IARS2: variants seen among roughly 807,000 people sequenced by gnomAD.
The protein encoded by IARS2 is isoleucine--tRNA ligase, mitochondrial.
IARS2 carries 56 observed loss-of-function variants against 126.3 expected under a neutral mutation model. The ratio of observed to expected loss-of-function variants is 0.44; its 90% CI spans 0.36 to 0.55. The LOEUF (loss-of-function observed/expected upper bound fraction) is 0.55. IARS2 is among the 20% of genes least tolerant of loss of function. The probability of loss-of-function intolerance (pLI) is 0.00; values close to 1 mark genes in which losing one functional copy is unlikely to be tolerated. For synonymous variants in IARS2, 407 were observed against 441.1 expected (o/e 0.92, Z 0.97); for missense variants, 1,127 against 1,245.9 (o/e 0.90, Z 1.44).
chr1:220,109,077 G>A (rs977247970), intron 10 of IARS2, among the ~76,000 whole-genome samples: 1 of 151,840 alleles, frequency 6.6e-6, no homozygotes, highest in African/African-American at 2.4e-5. Context: ...GTGGGGATTG[G>A]GTAGGGAAAG....
chr1:220,111,696 TATAG>T (rs1656807717), intron 11 of IARS2, among the ~76,000 whole-genome samples: 2 of 151,834 alleles, frequency 1.3e-5, no homozygotes, highest in East Asian at 3.9e-4. Flanking sequence ...AGGTTGAATA[TATAG>T]ATATTTTGCT....
chr1:220,101,977 C>T, intron 3 of IARS2, 152 bp from the exon 4 acceptor site: 1 of 670,194 alleles, frequency 1.5e-6, no homozygotes. Flanking sequence ...CGCCACTGCA[C>T]TCTAGCCTGG....
At chr1:220,135,061 C>A (rs936143757) in intron 15 of IARS2, among the ~76,000 whole-genome samples, 1 of 152,088 alleles carries the variant, frequency 6.6e-6, no homozygotes, top group Non-Finnish European at 1.5e-5. Context: ...AGCCACCATG[C>A]CTGGCCTAGA....
In IARS2 at chr1:220,143,066, G is replaced by A. The variant is rs1657521147; in HGVS notation, c.2683G>A (p.Gly895Ser). 6.2e-7 allele frequency: 1 copy of A among 1,613,984 alleles called. No homozygotes were observed. Among genetic ancestry groups the A allele is most frequent in the Admixed American group, 1.7e-5 (1 of 59,992 alleles). ...AGACTCATTTCTTGGAAGCATCCCTGGCAAAAATGCAGCTGAGTACAAGGT... is the reference window on the plus strand; with the variant it reads ...AGACTCATTTCTTGGAAGCATCCCTAGCAAAAATGCAGCTGAGTACAAGGT... ...MRDSFLGSIP[G>S]KNAAEYKVIT... The change falls in exon 21 of 23, where the codon GGC (glycine) becomes AGC (serine). Residue 895 changes from glycine to serine, a missense_variant. Transcript: ENST00000366922.
chr1:220,111,598 A>ATATATATATGTGTGTGTGTGTG (rs374024744), intron 11 of IARS2, among the ~76,000 whole-genome samples: 4 of 134,838 alleles, frequency 3.0e-5, no homozygotes, highest in African/African-American at 1.1e-4. Context: ...ATATATATAT[A>ATATATATATGTGTGTGTGTGTG]TGTGTGTGTG....
intron 1 of IARS2, among the ~76,000 whole-genome samples, chr1:220,095,582 A>C (rs1656421575): frequency 6.6e-6 from 1 of 152,222 alleles, no homozygotes; most frequent in African/African-American, 2.4e-5. Flanking sequence ...GATGGATATT[A>C]ACACTTTTTT....
intron 14 of IARS2, among the ~76,000 whole-genome samples, chr1:220,132,893 A>T (rs2102836242): frequency 6.6e-6 from 1 of 152,240 alleles, no homozygotes; most frequent in South Asian, 2.1e-4. Flanking sequence ...TAGTCTAGCT[A>T]AAGATTTGTT....
chr1:220,113,967 A>C (rs1261768383), intron 11 of IARS2, among the ~76,000 whole-genome samples: 1 of 152,196 alleles, frequency 6.6e-6, no homozygotes, highest in Non-Finnish European at 1.5e-5. Context: ...AGTTTAGTGA[A>C]GTATAATAGT....
intron 14 of IARS2, among the ~76,000 whole-genome samples, chr1:220,130,101 T>G (rs1172797785): frequency 6.6e-6 from 1 of 152,234 alleles, no homozygotes; most frequent in Admixed American, 6.5e-5. Flanking sequence ...TGCACTTCCC[T>G]GATGATTAGT....
intron 15 of IARS2, among the ~76,000 whole-genome samples, 156 bp from the exon 16 acceptor site, chr1:220,136,653 A>G (rs866444943): frequency 5.3e-5 from 8 of 151,274 alleles, no homozygotes; most frequent in South Asian, 2.1e-4. Context: ...AAAAAAAAAA[A>G]AGAGAAGAAA....
At chr1:220,099,799 A>AT (rs1385755177) in intron 2 of IARS2, among the ~76,000 whole-genome samples, 20 of 152,208 alleles carry the variant, frequency 1.3e-4, no homozygotes, top group South Asian at 2.1e-4. Flanking sequence ...AGCTAGATGA[A>AT]TTTTTTTTAA....
chr1:220,142,973 A>AT lies in IARS2; in HGVS notation c.2592dup (p.Ser865Ter). 1 of 1,613,648 alleles carries AT rather than the reference A, an allele frequency of 6.2e-7. No homozygotes were observed. Among genetic ancestry groups the AT allele is most frequent in the Non-Finnish European group, 8.5e-7 (1 of 1,179,688 alleles). On this transcript the variant is annotated frameshift_variant, in exon 21 of 23. Coordinates refer to ENST00000366922, the MANE Select transcript of IARS2 (RefSeq NM_018060.4). LOFTEE classifies it high-confidence loss of function. Reference sequence around the variant, plus strand: ...CAAGAGTGTTTTCCGTACTGGGTGGATTAGTACTAGTTCTATCTGGAAAAA... The same window carrying AT: ...CAAGAGTGTTTTCCGTACTGGGTGGATTTAGTACTAGTTCTATCTGGAAAAA...
chr1:220,102,782 G>T lies in IARS2; in HGVS notation c.950+5G>T, dbSNP rs752555234. The T allele has an allele frequency of 3.9e-6, 6 of 1,558,116 alleles. No individual in the cohort carries two copies. In the East Asian group the frequency reaches 1.1e-4, roughly 29 times the overall value. ...TTGCTATATGCCTGAATCAAAGTGGGTATATTATTGCATTTTTTGTTTTAT... is the reference window on the plus strand; with the variant it reads ...TTGCTATATGCCTGAATCAAAGTGGTTATATTATTGCATTTTTTGTTTTAT... On this transcript the variant is annotated splice_donor_5th_base_variant and intron_variant, in intron 7 of 22. Coordinates refer to ENST00000366922, the MANE Select transcript of IARS2 (RefSeq NM_018060.4).
At position 220,126,770 on chromosome 1, in the gene IARS2, G is replaced by A. The variant is rs748724793; in HGVS notation, c.1764G>A (p.Leu588=). 4.9e-5 allele frequency: 79 copies of A among 1,612,984 alleles called. No homozygotes were observed. Among genetic ancestry groups the A allele is most frequent in the Non-Finnish European group, 8.5e-7 (1 of 1,179,764 alleles). The change falls in exon 14 of 23, where the codon TTG becomes TTA. Residue 588 remains leucine (L), a synonymous_variant. Coordinates refer to ENST00000366922, the MANE Select transcript of IARS2 (RefSeq NM_018060.4). The part of the protein sequence containing the change: ...VLSEVGGPDA[L]EYVPGQDILD... ...ACTAGGTTGGTGGCCCTGATGCCTT[G>A]GAATATGTGCCAGGTCAGGATATTT...
chr1:220,134,764 TGTTG>T (rs1325396727), intron 15 of IARS2: 25 of 252,176 alleles, frequency 9.9e-5, no homozygotes, highest in South Asian at 1.7e-4. Context: ...TCTTTGTTGT[TGTTG>T]TTTTTTTTTT....
intron 16 of IARS2, chr1:220,137,624 G>T: frequency 3.6e-6 from 1 of 280,742 alleles, no homozygotes; most frequent in Non-Finnish European, 6.9e-6. Context: ...CCCTGGCACT[G>T]CTGTGTGTCT....
At position 220,103,467 on chromosome 1, in the gene IARS2, C is replaced by G; in HGVS notation, c.971C>G (p.Ser324Cys). 1 of 1,609,006 alleles carries G rather than the reference C, an allele frequency of 6.2e-7. No homozygotes were observed. The highest frequency in any genetic ancestry group is 2.2e-5 in the East Asian group (1 of 44,808). Residue 324 changes from serine to cysteine, a missense_variant, in exon 8 of 23, where the codon TCT becomes TGT. Transcript: ENST00000366922. ...GTTAGGTATGCTGTTGTGAAATGTT[C>G]TAAGTCTGGAGACCTCTACGTACTG... ...PESKYAVVKCSKSGDLYVLAA... is the reference protein window; with the variant it reads ...PESKYAVVKCCKSGDLYVLAA...
At chr1:220,106,838 G>C (rs774926489) in intron 9 of IARS2, among the ~76,000 whole-genome samples, 18 of 151,930 alleles carry the variant, frequency 1.2e-4, no homozygotes, top group Non-Finnish European at 2.4e-4. Context: ...CACCATGTTG[G>C]CCAGGCTAGT....
intron 12 of IARS2, among the ~76,000 whole-genome samples, chr1:220,123,018 A>T (rs1657078880): frequency 6.6e-6 from 1 of 150,812 alleles, no homozygotes. Context: ...AGTGTTATCA[A>T]TTGTAATTGT....
Sources: allele counts gnomAD v4.1 joint callset (sites outside exome capture counted in the v4.1 genomes callset), GRCh38; gene constraint gnomAD v4.1.1; transcripts MANE v1.5; gene names NCBI Gene and HGNC (gene_info 2026-07-23, HGNC 2026-07-21).